PCDHA2: variants seen among roughly 807,000 people sequenced by gnomAD.
The protein encoded by PCDHA2 is protocadherin alpha-2.
Under a neutral mutation model 66.0 loss-of-function variants are expected in PCDHA2, and 58 were observed. That is an observed-to-expected ratio of 0.88 (90% CI 0.71 to 1.09). PCDHA2 has a LOEUF of 1.09. PCDHA2 is among the 50% of genes least tolerant of loss of function. PCDHA2 has a pLI of 0.00. For missense variants in PCDHA2, 1,267 were observed against 1,242.3 expected (o/e 1.02, Z -0.30); for synonymous variants, 634 against 554.0 (o/e 1.14, Z -2.03).
chr5:140,841,156 C>T (rs1399343439), intron 1 of PCDHA2: 2 of 850,602 alleles, frequency 2.4e-6, no homozygotes, highest in East Asian at 2.7e-5. Context: ...CGCTGTCTAC[C>T]AAGAAGTTCT....
At chr5:140,938,278 G>A (rs1394435028) in intron 1 of PCDHA2, among the ~76,000 whole-genome samples, 1 of 152,090 alleles carries the variant, frequency 6.6e-6, no homozygotes, top group African/African-American at 2.4e-5. Context: ...TAGTTTTCTT[G>A]CTTTCTGTCA....
chr5:140,928,125 C>T, intron 1 of PCDHA2: 2 of 1,614,154 alleles, frequency 1.2e-6, no homozygotes, highest in Non-Finnish European at 1.7e-6. Context: ...TCAGTGAATA[C>T]CAAGTCCTGA....
intron 3 of PCDHA2, among the ~76,000 whole-genome samples, chr5:141,007,858 G>A (rs376865557): frequency 6.6e-6 from 1 of 152,116 alleles, no homozygotes; most frequent in African/African-American, 2.4e-5. Context: ...GTCCTTAAAG[G>A]TCTTTTCCTT....
intron 1 of PCDHA2, among the ~76,000 whole-genome samples, chr5:140,902,664 A>G (rs2069638514): frequency 6.6e-6 from 1 of 152,128 alleles, no homozygotes. Context: ...CTGTCACCCA[A>G]GCAGTGTACA....
intron 1 of PCDHA2, among the ~76,000 whole-genome samples, chr5:140,948,600 A>G (rs1369107358): frequency 6.6e-6 from 1 of 151,576 alleles, no homozygotes; most frequent in African/African-American, 2.4e-5. Flanking sequence ...TCAATTTATC[A>G]TATTTTTGGC....
chr5:140,819,435 T>A (rs2150104218), intron 1 of PCDHA2, among the ~76,000 whole-genome samples: 1 of 152,270 alleles, frequency 6.6e-6, no homozygotes, highest in South Asian at 2.1e-4. Context: ...CAGTTTTAAA[T>A]CTAAATTTTT....
rs544791644 is a variant in PCDHA2, at chr5:140,937,295, C to G, written c.2389-41654C>G. Among the ~76,000 whole-genome samples the G allele has an allele frequency of 1.0e-3, 157 of 152,202 alleles. 1 individual carries two copies. Among genetic ancestry groups the G allele is most frequent in the Admixed American group, 4.7e-3 (72 of 15,286 alleles). On this transcript the variant is annotated intron_variant, in intron 1 of 3. Transcript: ENST00000526136. ...CTCGTGATTCACCCGCTTCGGCCTC[C>G]CAAAGTGCTGGGATTACAGGCGTGA...
chr5:140,884,048 G>A (rs2059957630), intron 1 of PCDHA2: 1 of 1,613,500 alleles, frequency 6.2e-7, no homozygotes, highest in African/African-American at 1.3e-5. Flanking sequence ...GGTGGCGAAG[G>A]TGCGCGCGGT....
intron 1 of PCDHA2, chr5:140,807,999 A>T (rs1554124378): frequency 6.2e-7 from 1 of 1,613,834 alleles, no homozygotes; most frequent in Non-Finnish European, 8.5e-7. Flanking sequence ...GATTTAGACG[A>T]AGGATTGAAT....
rs1350707667 is a variant in PCDHA2, at chr5:140,795,940, G to A, written c.976G>A (p.Gly326Arg). The change falls in exon 1 of 4, where the codon GGA (glycine) becomes AGA (arginine). Residue 326 changes from glycine (G) to arginine (R), a missense_variant. Physicochemically the swap from Gly to Arg is moderately radical, Grantham distance 125. Coordinates refer to ENST00000526136, the MANE Select transcript of PCDHA2 (RefSeq NM_018905.3). ...GATTCAGGTCACTGCAACTGACAAAGGAACCCCTTCAATGTCAGGACATTG... is the reference window on the plus strand; with the variant it reads ...GATTCAGGTCACTGCAACTGACAAAAGAACCCCTTCAATGTCAGGACATTG... ...YEIQVTATDK[G>R]TPSMSGHCKI... is the part of the protein sequence containing the mutation. 4 of 1,613,852 alleles carry A rather than the reference G, an allele frequency of 2.5e-6. No individual in the cohort carries two copies. The highest frequency in any genetic ancestry group is 1.3e-5 in the African/African-American group (1 of 74,872).
chr5:140,950,855 T>C (rs2094525829), intron 1 of PCDHA2, among the ~76,000 whole-genome samples: 2 of 152,102 alleles, frequency 1.3e-5, no homozygotes, highest in African/African-American at 4.8e-5. Context: ...TTCTTTCATA[T>C]TCTTGTATAT....
chr5:140,869,747 C>A (rs1554163400), intron 1 of PCDHA2: 1 of 1,613,276 alleles, frequency 6.2e-7, no homozygotes. Context: ...CTAACAGCTA[C>A]AGACGGGGGA....
chr5:140,947,882 T>C (rs1554218353), intron 1 of PCDHA2, among the ~76,000 whole-genome samples: 1 of 151,580 alleles, frequency 6.6e-6, no homozygotes, highest in Non-Finnish European at 1.5e-5. Context: ...TCCAGGACAA[T>C]ATAAACAGAA....
intron 1 of PCDHA2, among the ~76,000 whole-genome samples, chr5:140,951,791 A>T (rs375226786): frequency 1.3e-5 from 2 of 152,228 alleles, no homozygotes; most frequent in Non-Finnish European, 2.9e-5. Context: ...AAATACAATT[A>T]TCCCTTCCCA....
chr5:140,807,080 T>C (rs782597531), intron 1 of PCDHA2: 4 of 1,259,654 alleles, frequency 3.2e-6, no homozygotes, highest in Non-Finnish European at 4.5e-6. Flanking sequence ...ATACACTCTT[T>C]GGAGTCTGAA....
intron 1 of PCDHA2, among the ~76,000 whole-genome samples, chr5:140,951,349 T>C (rs1403359324): frequency 1.3e-5 from 2 of 152,144 alleles, no homozygotes; most frequent in Non-Finnish European, 2.9e-5. Flanking sequence ...GTTAGTCCAT[T>C]ATTGCACTGT....
At chr5:140,957,130 A>C in intron 1 of PCDHA2, among the ~76,000 whole-genome samples, 1 of 152,188 alleles carries the variant, frequency 6.6e-6, no homozygotes, top group Middle Eastern at 3.2e-3. Flanking sequence ...TCTTTACTAC[A>C]CTATGAACTA....
intron 1 of PCDHA2, chr5:140,829,598 G>T (rs2150170888): frequency 3.7e-6 from 6 of 1,611,956 alleles, no homozygotes; most frequent in East Asian, 2.2e-5. Context: ...GGGCGAGCGC[G>T]CGTTGTCGAG....
At chr5:140,939,841 T>C (rs1269688667) in intron 1 of PCDHA2, among the ~76,000 whole-genome samples, 5 of 152,344 alleles carry the variant, frequency 3.3e-5, no homozygotes, top group Middle Eastern at 3.4e-3. Context: ...TGCTTGTTGT[T>C]GTGTTCTGTA....
Sources: gnomAD v4.1 joint callset for allele counts (sites outside exome capture counted in the v4.1 genomes callset) on GRCh38, gnomAD v4.1.1 for gene constraint, MANE v1.5 for transcripts, NCBI Gene and HGNC (gene_info 2026-07-23, HGNC 2026-07-21) for gene names.